Variants in C8orf58 observed in about 807,000 individuals in gnomAD.
C8orf58 encodes the protein uncharacterized protein C8orf58.
In C8orf58, 31 loss-of-function variants were observed where a neutral mutation model predicts 36.8. The ratio of observed to expected loss-of-function variants is 0.84; its 90% CI spans 0.63 to 1.14. C8orf58 has a LOEUF of 1.14. Ranked by LOEUF, C8orf58 falls within the 50% of genes most tolerant of loss-of-function variation. C8orf58 has a pLI of 0.00. For synonymous variants in C8orf58, 230 were observed against 200.2 expected (o/e 1.15, Z -1.26); for missense variants, 538 against 480.8 (o/e 1.12, Z -1.11).
rs989121402 is a variant in C8orf58 at position 22,602,215 on chromosome 8, C to T, written c.782C>T (p.Ser261Leu). 7 of 1,603,202 alleles carry T rather than the reference C, an allele frequency of 4.4e-6. No homozygotes were observed. Among genetic ancestry groups the T allele is most frequent in the Admixed American group, 3.4e-5 (2 of 58,634 alleles). The change falls in exon 5 of 7, where the codon TCA becomes TTA. Residue 261 changes from serine to leucine, a missense_variant. Coordinates refer to ENST00000289989, the MANE Select transcript of C8orf58 (RefSeq NM_001013842.3). ...QTEHTGAKAASPPKVEVPSAN... is the reference protein window; with the variant it reads ...QTEHTGAKAALPPKVEVPSAN... ...CTTTCTGAAGGAGCAAAGGCTGCTT[C>T]ACCCCCAAAGGTGGAGGTGCCCAGT... is the stretch of plus-strand genomic sequence containing the variant.
intron 5 of C8orf58, 79 bp downstream of exon 5, chr8:22,602,391 G>A (rs1358826221): frequency 1.1e-5 from 14 of 1,331,310 alleles, no homozygotes; most frequent in African/African-American, 1.5e-5. Context: ...GGCACCCTGG[G>A]GGCCAGCAAC....
chr8:22,603,050 G>A (rs1800917318), intron 6 of C8orf58, 145 bp from the exon 7 acceptor site: 1 of 636,742 alleles, frequency 1.6e-6, no homozygotes, highest in Admixed American at 2.8e-5. Context: ...TTCTCCAGGA[G>A]GAAGAAATAC....
At chr8:22,602,131 G>T in intron 4 of C8orf58, 51 bp downstream of exon 4, 1 of 1,551,276 alleles carries the variant, frequency 6.4e-7, no homozygotes, top group Non-Finnish European at 8.7e-7. Context: ...GGTCCCACCA[G>T]CAGGTCCTCT....
rs1800862765 is a variant in C8orf58, at chr8:22,601,712, G to A, written c.517G>A (p.Val173Met). 6.2e-7 allele frequency: 1 copy of A among 1,606,580 alleles called. No homozygotes were observed. The highest frequency in any genetic ancestry group is 1.1e-5 in the South Asian group (1 of 90,480). The change falls in exon 3 of 7, where the codon GTG becomes ATG. Residue 173 changes from valine (V) to methionine (M), a missense_variant and splice_region_variant. Coordinates refer to ENST00000289989, the MANE Select transcript of C8orf58 (RefSeq NM_001013842.3). ...DLEAGLEEEA[V>M]GGLGPGAWAC... Reference sequence around the variant, plus strand: ...TCCCCTATCTCACAATGTCCCACAGGTGGGGGGCCTGGGGCCTGGAGCCTG... The same window carrying A: ...TCCCCTATCTCACAATGTCCCACAGATGGGGGGCCTGGGGCCTGGAGCCTG...
Position 22,602,663 on chromosome 8 carries a change from C to T in C8orf58, c.986+20C>T. ...CCCCAGGTGAGCCCCGTGCCCAGCC[C>T]AGGTTAGGGCACGGAGAGGAGACTG... On this transcript the variant is annotated intron_variant, in intron 6 of 6. Coordinates refer to ENST00000289989, the MANE Select transcript of C8orf58 (RefSeq NM_001013842.3). 1 of 1,440,586 alleles carries T rather than the reference C, an allele frequency of 6.9e-7. No individual in the cohort carries two copies. Among genetic ancestry groups the T allele is most frequent in the Non-Finnish European group, 9.4e-7 (1 of 1,062,256 alleles). 89.2% of individuals were successfully genotyped at this position (1,440,586 alleles called of 1,614,324 possible).
chr8:22,599,647 C>A lies in C8orf58; in HGVS notation c.-74C>A. ...GGGTCGGGACGCGCTCCCTGAGCTGCCCGAGCTCCGCGGGGACTCGGGCCG... is the reference window on the plus strand; with the variant it reads ...GGGTCGGGACGCGCTCCCTGAGCTGACCGAGCTCCGCGGGGACTCGGGCCG... On this transcript the variant is annotated 5_prime_UTR_variant, in exon 1 of 7. Transcript: ENST00000289989. The A allele has an allele frequency of 1.1e-6, 1 of 874,808 alleles. No homozygotes were observed. The highest frequency in any genetic ancestry group is 1.5e-6 in the Non-Finnish European group (1 of 676,094). 54.2% of individuals were successfully genotyped at this position (874,808 alleles called of 1,614,324 possible).
intron 1 of C8orf58, 70 bp downstream of exon 1, chr8:22,599,830 G>A: frequency 4.2e-6 from 3 of 722,622 alleles, no homozygotes; most frequent in Non-Finnish European, 3.8e-6. Context: ...CCCAAGCCGG[G>A]CACCCTCTCT....
chr8:22,602,856 C>A, intron 6 of C8orf58: 1 of 577,710 alleles, frequency 1.7e-6, no homozygotes, highest in South Asian at 2.3e-5. Context: ...TTTCCAAAGC[C>A]GCACGGTGAG....
chr8:22,602,535 A>C lies in C8orf58; in HGVS notation c.880-2A>C. On this transcript the variant is annotated splice_acceptor_variant, in intron 5 of 6. Coordinates refer to ENST00000289989, the MANE Select transcript of C8orf58 (RefSeq NM_001013842.3). LOFTEE classifies it high-confidence loss of function. ...CTGGGTGACCCCTCATCCTCTGCTC[A>C]GCGGGATATCTCCCACTGGGACAAG... The C allele has an allele frequency of 6.2e-7, 1 of 1,611,154 alleles. No homozygotes were observed. Among genetic ancestry groups the C allele is most frequent in the Non-Finnish European group, 8.5e-7 (1 of 1,178,176 alleles).
intron 2 of C8orf58, 48 bp downstream of exon 2, chr8:22,601,405 A>G: frequency 7.1e-7 from 1 of 1,411,656 alleles, no homozygotes; most frequent in Non-Finnish European, 9.5e-7. Context: ...TGGACAGCCT[A>G]GCTCCTCTGG....
chr8:22,600,917 G>A lies in C8orf58; in HGVS notation c.76G>A (p.Val26Met), dbSNP rs1586937747. 5.0e-6 allele frequency: 8 copies of A among 1,611,414 alleles called. No individual in the cohort carries two copies. The East Asian group carries it at 1.3e-4, about 27-fold the overall frequency. ...AGEGLARGCI[V>M]PGVTSTYRRI... The stretch of plus-strand genomic sequence containing the variant: ...CGAGGGCCTGGCACGGGGCTGCATA[G>A]TGCCTGGAGTCACCAGCACCTACAG... The change falls in exon 2 of 7, where the codon GTG becomes ATG. Residue 26 changes from valine to methionine, a missense_variant. Val to Met is a conservative substitution (Grantham distance 21, BLOSUM62 1). Transcript: ENST00000289989.
chr8:22,600,940 C>T lies in C8orf58; in HGVS notation c.99C>T (p.Tyr33=), dbSNP rs747695605. Residue 33 remains tyrosine, a synonymous_variant, in exon 2 of 7, where the codon TAC becomes TAT. Coordinates refer to ENST00000289989, the MANE Select transcript of C8orf58 (RefSeq NM_001013842.3). The part of the protein sequence containing the change: ...GCIVPGVTST[Y]RRIPDAAHGC... The stretch of plus-strand genomic sequence containing the variant: ...TAGTGCCTGGAGTCACCAGCACCTA[C>T]AGACGGATCCCCGACGCTGCCCACG... 1.2e-6 allele frequency: 2 copies of T among 1,612,344 alleles called. No homozygotes were observed. The highest frequency in any genetic ancestry group is 1.3e-5 in the African/African-American group (1 of 75,064).
rs1056910208 is a variant in C8orf58 at position 22,599,684 on chromosome 8, C to A, written c.-37C>A. 1 of 1,158,140 alleles carries A rather than the reference C, an allele frequency of 8.6e-7. No homozygotes were observed. Among genetic ancestry groups the A allele is most frequent in the Non-Finnish European group, 1.1e-6 (1 of 927,754 alleles). The allele number at this position is 1,158,140 out of a possible 1,614,324, so 71.7% of individuals were successfully genotyped here. The stretch of plus-strand genomic sequence containing the variant: ...GGGGACTCGGGCCGGGATCCTCGGG[C>A]GGCTGCATTGGCCGGGGCCGGGGCC... On this transcript the variant is annotated 5_prime_UTR_variant, in exon 1 of 7. Transcript: ENST00000289989.
intron 2 of C8orf58, 69 bp downstream of exon 2, chr8:22,601,426 A>G (rs909060188): frequency 6.9e-6 from 9 of 1,307,472 alleles, no homozygotes; most frequent in Non-Finnish European, 9.3e-6. Flanking sequence ...TTCTCCCTGG[A>G]GCTCTCTCTG....
chr8:22,602,179 A>G (rs1250276880), intron 4 of C8orf58, 21 bp from the exon 5 acceptor site: 3 of 1,578,620 alleles, frequency 1.9e-6, no homozygotes, highest in Non-Finnish European at 2.6e-6. Context: ...GGCCCTGGCC[A>G]ACCTGACTGT....
Position 22,599,753 on chromosome 8 carries a change from C to T in C8orf58, c.33C>T (p.Asp11=). The change falls in exon 1 of 7, where the codon GAC becomes GAT. Residue 11 remains aspartate, a synonymous_variant. Transcript: ENST00000289989. MMGRRRAFAV[D]GRDGAGEGLA... ...GCCGGCGGCGCGCCTTCGCCGTGGA[C>T]GGCCGGGGTGAGTCACCCACCCCCA... is the stretch of plus-strand genomic sequence containing the variant. 1 of 1,219,222 alleles carries T rather than the reference C, an allele frequency of 8.2e-7. No individual in the cohort carries two copies. Among genetic ancestry groups the T allele is most frequent in the Non-Finnish European group, 1.0e-6 (1 of 979,672 alleles). 75.5% of individuals were successfully genotyped at this position (1,219,222 alleles called of 1,614,324 possible). A position where few individuals can be genotyped will look rare whatever the true frequency, so the allele number is the denominator to read the frequency against.
rs368123323 is a variant in C8orf58 at position 22,603,242 on chromosome 8, G to A, written c.1034G>A (p.Arg345Gln). The A allele has an allele frequency of 1.2e-5, 19 of 1,613,786 alleles. No homozygotes were observed. Among genetic ancestry groups the A allele is most frequent in the East Asian group, 2.2e-5 (1 of 44,896 alleles). ...LPERPQCRPH[R>Q]KTFMPSLVVK... ...GAAAGGCCTCAGTGCCGCCCCCACC[G>A]GAAGACCTTTATGCCATCATTAGTG... The change falls in exon 7 of 7, where the codon CGG becomes CAG. Residue 345 changes from arginine (R) to glutamine (Q), a missense_variant. Coordinates refer to ENST00000289989, the MANE Select transcript of C8orf58 (RefSeq NM_001013842.3).
Position 22,601,751 on chromosome 8 carries a change from G to A in C8orf58, c.556G>A (p.Gly186Arg), listed in dbSNP as rs925227669. 9 of 1,612,010 alleles carry A rather than the reference G, an allele frequency of 5.6e-6. No individual in the cohort carries two copies. In the East Asian group the frequency reaches 1.1e-4, roughly 20 times the overall value. ...LGPGAWACLP[G>R]QGLRYLEHLC... ...GCCTGGAGCCTGGGCCTGCCTCCCC[G>A]GGCAGGGTCTTCGCTATCTGGAACA... Residue 186 changes from glycine (G) to arginine (R), a missense_variant, in exon 3 of 7, where the codon GGG (glycine) becomes AGG (arginine). Physicochemically the swap from Gly to Arg is moderately radical, Grantham distance 125 (BLOSUM62 -2). Coordinates refer to ENST00000289989, the MANE Select transcript of C8orf58 (RefSeq NM_001013842.3).
chr8:22,602,928 C>A (rs1800912621), intron 6 of C8orf58: 2 of 588,464 alleles, frequency 3.4e-6, no homozygotes, highest in Non-Finnish European at 6.0e-6. Flanking sequence ...AACCCCTCAC[C>A]CTCAATGCTG....
Sources: allele counts gnomAD v4.1 joint callset, GRCh38; gene constraint gnomAD v4.1.1; transcripts MANE v1.5; gene names NCBI Gene and HGNC (gene_info 2026-07-23, HGNC 2026-07-21).